The following CALB1 variants were observed in gnomAD, a reference collection of about 807,000 sequenced individuals.
The protein encoded by CALB1 is calbindin.
CALB1 carries 16 observed loss-of-function variants against 46.7 expected under a neutral mutation model. The observed-to-expected ratio is 0.34, with a 90% CI of 0.23 to 0.52. The LOEUF (loss-of-function observed/expected upper bound fraction) is 0.52, where lower values mean the gene tolerates loss of function less well. CALB1 is among the 20% of genes least tolerant of loss of function. The pLI is 0.95. For missense variants in CALB1, 224 were observed against 300.3 expected (o/e 0.75, Z 1.88); for synonymous variants, 90 against 112.8 (o/e 0.80, Z 1.28).
intron 3 of CALB1, among the ~76,000 whole-genome samples, chr8:90,074,010 G>A (rs1353333237): frequency 1.3e-5 from 2 of 151,330 alleles, no homozygotes; most frequent in East Asian, 2.0e-4. Context: ...TATTAGCCAA[G>A]CATTCATTTT....
At chr8:90,077,639 C>T (rs112825178) in intron 3 of CALB1, among the ~76,000 whole-genome samples, 23 of 152,160 alleles carry the variant, frequency 1.5e-4, no homozygotes, top group African/African-American at 5.3e-4. Context: ...GAAGCAACAG[C>T]TCTTTCACAA....
At chr8:90,081,274 G>A (rs1260160574) in intron 2 of CALB1, 1 of 155,328 alleles carries the variant, frequency 6.4e-6, no homozygotes, top group Non-Finnish European at 1.4e-5. Context: ...GTATCACTTT[G>A]CTTTTTTTAC....
intron 5 of CALB1, among the ~76,000 whole-genome samples, chr8:90,067,209 C>G (rs1375839975): frequency 6.6e-6 from 1 of 151,956 alleles, no homozygotes; most frequent in Non-Finnish European, 1.5e-5. Flanking sequence ...GATTCAAAGT[C>G]GTGTCTGAGA....
At chr8:90,072,591 G>C (rs1355888544) in intron 3 of CALB1, among the ~76,000 whole-genome samples, 1 of 152,112 alleles carries the variant, frequency 6.6e-6, no homozygotes, top group African/African-American at 2.4e-5. Context: ...ACAATGTGGT[G>C]GTCCTGTGTT....
At chr8:90,077,308 C>G (rs1192770642) in intron 3 of CALB1, among the ~76,000 whole-genome samples, 1 of 151,914 alleles carries the variant, frequency 6.6e-6, no homozygotes, top group Non-Finnish European at 1.5e-5. Flanking sequence ...TCTCTTAACT[C>G]TATTTGTATC....
intron 3 of CALB1, among the ~76,000 whole-genome samples, chr8:90,075,305 C>T (rs181325052): frequency 6.6e-5 from 10 of 152,254 alleles, no homozygotes; most frequent in East Asian, 1.9e-4. Flanking sequence ...CCATCAGGGA[C>T]GCAGACCACT....
intron 3 of CALB1, among the ~76,000 whole-genome samples, chr8:90,073,110 G>T (rs1814563713): frequency 2.0e-5 from 3 of 152,124 alleles, no homozygotes; most frequent in African/African-American, 7.2e-5. Context: ...ACAAATTTTA[G>T]TAAATATTTT....
chr8:90,075,234 C>T (rs547630097), intron 3 of CALB1, among the ~76,000 whole-genome samples: 1 of 152,178 alleles, frequency 6.6e-6, no homozygotes, highest in Non-Finnish European at 1.5e-5. Context: ...TGAAAGTTAA[C>T]CATTACATTT....
chr8:90,069,974 C>G (rs1178950867), intron 3 of CALB1, among the ~76,000 whole-genome samples: 1 of 140,508 alleles, frequency 7.1e-6, no homozygotes. Flanking sequence ...ATCCTCCTCT[C>G]TTTTTTTTTT....
At chr8:90,070,448 T>TTCA (rs1814491509) in intron 3 of CALB1, among the ~76,000 whole-genome samples, 1 of 152,180 alleles carries the variant, frequency 6.6e-6, no homozygotes, top group Non-Finnish European at 1.5e-5. Flanking sequence ...TTTTAAAAAA[T>TTCA]TCATCCTTTT....
At chr8:90,082,208 T>G in intron 1 of CALB1, 106 bp from the exon 2 acceptor site, 2 of 958,536 alleles carry the variant, frequency 2.1e-6, no homozygotes, top group Non-Finnish European at 3.3e-6. Context: ...AGGCTCTCTC[T>G]TGCCTGGACG....
At chr8:90,060,325 A>ATTTAAC in intron 10 of CALB1, 39 bp from the exon 11 acceptor site, 1 of 1,203,704 alleles carries the variant, frequency 8.3e-7, no homozygotes, top group Non-Finnish European at 1.2e-6. Context: ...CCAGTTAAAT[A>ATTTAAC]TGGAAGTTAA....
intron 5 of CALB1, among the ~76,000 whole-genome samples, chr8:90,066,382 G>A (rs989581364): frequency 2.0e-5 from 3 of 151,944 alleles, no homozygotes; most frequent in Non-Finnish European, 4.4e-5. Context: ...TTGGAATATT[G>A]TGAAAAAATA....
chr8:90,069,605 C>T (rs1371507726), intron 3 of CALB1, among the ~76,000 whole-genome samples: 1 of 152,144 alleles, frequency 6.6e-6, no homozygotes, highest in East Asian at 1.9e-4. Flanking sequence ...TCTCCTCTCT[C>T]CTCACAGGGT....
chr8:90,063,376 T>TA (rs1814337238), intron 7 of CALB1, 30 bp downstream of exon 7: 2 of 1,594,074 alleles, frequency 1.3e-6, no homozygotes, highest in East Asian at 2.2e-5. Flanking sequence ...AGGATCCACT[T>TA]ACAATATTTT....
intron 2 of CALB1, among the ~76,000 whole-genome samples, chr8:90,080,783 C>A (rs1814715226): frequency 6.6e-6 from 1 of 151,948 alleles, no homozygotes; most frequent in African/African-American, 2.4e-5. Flanking sequence ...TTAGAGCCCT[C>A]TGGGATTCTT....
At chr8:90,060,765 A>T (rs1814283343) in intron 9 of CALB1, 65 bp from the exon 10 acceptor site, 6 of 1,233,394 alleles carry the variant, frequency 4.9e-6, no homozygotes, top group South Asian at 1.2e-5. Context: ...AATGAAGTAA[A>T]ATGGAAATAA....
intron 5 of CALB1, 26 bp downstream of exon 5, chr8:90,068,972 C>G (rs377599358): frequency 5.6e-5 from 88 of 1,569,764 alleles, no homozygotes; most frequent in Non-Finnish European, 7.2e-5. Context: ...AAAGGAAAAA[C>G]TTAGTACAAG....
intron 3 of CALB1, among the ~76,000 whole-genome samples, chr8:90,071,290 T>G (rs532774265): frequency 3.3e-5 from 5 of 152,298 alleles, no homozygotes; most frequent in African/African-American, 9.6e-5. Flanking sequence ...AAATCCCTTT[T>G]TTTTCCTCAT....
Sources: gnomAD v4.1 joint callset for allele counts (sites outside exome capture counted in the v4.1 genomes callset) on GRCh38, gnomAD v4.1.1 for gene constraint, MANE v1.5 for transcripts, NCBI Gene and HGNC (gene_info 2026-07-23, HGNC 2026-07-21) for gene names.